PTPRM: variants seen among roughly 807,000 people sequenced by gnomAD.
PTPRM encodes the protein protein tyrosine phosphatase receptor type M.
Under a neutral mutation model 186.7 loss-of-function variants are expected in PTPRM, and 47 were observed. The ratio of observed to expected loss-of-function variants is 0.25; its 90% confidence interval spans 0.20 to 0.32. The LOEUF (loss-of-function observed/expected upper bound fraction) is 0.32, where lower values mean the gene tolerates loss of function less well. PTPRM is among the 10% of genes least tolerant of loss of function. The pLI is 1.00. For missense variants in PTPRM, 1,494 were observed against 1,865.0 expected, an observed-to-expected ratio of 0.80 and a Z score of 3.66; for synonymous variants, 668 against 674.9, an observed-to-expected ratio of 0.99 and a Z score of 0.16.
In PTPRM at chr18:8,371,901, A is replaced by G. The variant is rs996792074; in HGVS notation, c.3171+895A>G. 2.6e-5 allele frequency: 4 copies of G among 152,260 alleles called. No individual in the cohort carries two copies. In the East Asian group the frequency reaches 5.8e-4, roughly 22 times the overall value. The allele number at this position is 152,260 out of a possible 1,614,324, so 9.4% of individuals were successfully genotyped here. On this transcript the variant is annotated intron_variant, in intron 24 of 32. Transcript: ENST00000580170. Reference sequence around the variant, plus strand: ...CTTTTCTATCCAGAGTTGATTCTCCATAACCGAGCCCTGCACAGCTGCCCT... The same window carrying G: ...CTTTTCTATCCAGAGTTGATTCTCCGTAACCGAGCCCTGCACAGCTGCCCT...
intron 2 of PTPRM, among the ~76,000 whole-genome samples, chr18:7,810,017 C>A (rs532741787): frequency 6.6e-5 from 10 of 152,250 alleles, no homozygotes; most frequent in African/African-American, 2.4e-4. Flanking sequence ...TTCTGTGGGA[C>A]TTGGTGAGTT....
chr18:7,725,762 C>T (rs761989603), intron 1 of PTPRM, among the ~76,000 whole-genome samples: 8 of 152,140 alleles, frequency 5.3e-5, no homozygotes, highest in Non-Finnish European at 7.3e-5. Context: ...ATCTCCCCTT[C>T]GCGCTGAGAG....
chr18:7,955,204 A>G lies in PTPRM; in HGVS notation c.922A>G (p.Asn308Asp). The part of the protein sequence containing the change: ...LWIQLNANSI[N>D]GDGPIVAREV... Reference sequence around the variant, plus strand: ...GATACAGCTCAACGCCAACTCCATCAATGGGGATGGGCCCATTGTGGCCCG... The same window carrying G: ...GATACAGCTCAACGCCAACTCCATCGATGGGGATGGGCCCATTGTGGCCCG... The change falls in exon 7 of 33, where the codon AAT becomes GAT. Residue 308 changes from asparagine (N) to aspartate (D), a missense_variant. By Grantham distance (23) the Asn-to-Asp change is conservative (BLOSUM62 1). This residue lies in a region of PTPRM where 91 missense variants were observed against 169.3 expected (regional missense o/e 0.54). Coordinates refer to ENST00000580170, the MANE Select transcript of PTPRM (RefSeq NM_001105244.2). The G allele has an allele frequency of 1.2e-6, 2 of 1,614,186 alleles. No homozygotes were observed. Among genetic ancestry groups the G allele is most frequent in the Non-Finnish European group, 1.7e-6 (2 of 1,180,034 alleles).
intron 13 of PTPRM, among the ~76,000 whole-genome samples, chr18:8,125,994 TATATATATATATATATATATATATATATA>T (rs1459210050): frequency 0.028 from 322 of 11,654 alleles, 52 homozygotes; most frequent in East Asian, 0.27. Flanking sequence ...TATATATATA[TATATATATATATATATATATATATATATA>T]TATATTTTAA....
chr18:8,169,579 C>T (rs1018542256), intron 14 of PTPRM, among the ~76,000 whole-genome samples: 1 of 152,010 alleles, frequency 6.6e-6, no homozygotes, highest in Non-Finnish European at 1.5e-5. Context: ...AGAAAAAAAC[C>T]TTAATTGTCT....
At chr18:8,092,234 A>G (rs968818548) in intron 11 of PTPRM, among the ~76,000 whole-genome samples, 1 of 152,136 alleles carries the variant, frequency 6.6e-6, no homozygotes, top group African/African-American at 2.4e-5. Flanking sequence ...CTTTTTATTG[A>G]TCAACACATC....
intron 7 of PTPRM, among the ~76,000 whole-genome samples, chr18:7,981,111 G>A (rs1406000629): frequency 6.6e-6 from 1 of 152,016 alleles, no homozygotes; most frequent in Non-Finnish European, 1.5e-5. Flanking sequence ...CACCATGAAG[G>A]TAGAATCACA....
chr18:7,795,665 A>G (rs1310797601), intron 2 of PTPRM, among the ~76,000 whole-genome samples: 1 of 152,028 alleles, frequency 6.6e-6, no homozygotes, highest in Non-Finnish European at 1.5e-5. Context: ...TACTTTCTCT[A>G]TTTTGGCAAA....
intron 1 of PTPRM, among the ~76,000 whole-genome samples, chr18:7,763,629 A>G (rs930655524): frequency 2.0e-5 from 3 of 152,218 alleles, no homozygotes; most frequent in Non-Finnish European, 4.4e-5. Context: ...TGGAATGAAT[A>G]TTTTACCGAC....
intron 7 of PTPRM, among the ~76,000 whole-genome samples, chr18:8,056,445 G>A (rs2087947704): frequency 6.6e-6 from 1 of 152,028 alleles, no homozygotes; most frequent in South Asian, 2.1e-4. Context: ...TAGTCAACAT[G>A]GTGAAACTCC....
intron 14 of PTPRM, among the ~76,000 whole-genome samples, chr18:8,186,695 G>C (rs1478550237): frequency 6.6e-6 from 1 of 152,180 alleles, no homozygotes; most frequent in African/African-American, 2.4e-5. Context: ...TCCAGCCACT[G>C]TGTTGCACTC....
intron 7 of PTPRM, among the ~76,000 whole-genome samples, chr18:8,012,514 C>A (rs2084594929): frequency 6.6e-6 from 1 of 152,186 alleles, no homozygotes. Context: ...AGTGCACATA[C>A]ACACACCTAC....
At chr18:7,776,529 T>G (rs549352929) in intron 2 of PTPRM, among the ~76,000 whole-genome samples, 1 of 151,922 alleles carries the variant, frequency 6.6e-6, no homozygotes, top group South Asian at 2.1e-4. Context: ...TTTTTACTAC[T>G]CATTAAACAA....
At position 7,759,985 on chromosome 18, in the gene PTPRM, C is replaced by T. The variant is rs573192253; in HGVS notation, c.74-14164C>T. ...ATAGGAACAGTCACCTAAAATGGGT[C>T]CCAGCCCATGTAGGATTGACAATCC... On this transcript the variant is annotated intron_variant, in intron 1 of 32. Transcript: ENST00000580170. Among the ~76,000 whole-genome samples the T allele has an allele frequency of 1.9e-4, 29 of 152,190 alleles. No individual in the cohort carries two copies. The South Asian group carries it at 2.7e-3, about 14-fold the overall frequency.
At chr18:8,010,131 T>C (rs2084434638) in intron 7 of PTPRM, among the ~76,000 whole-genome samples, 1 of 152,238 alleles carries the variant, frequency 6.6e-6, no homozygotes, top group Non-Finnish European at 1.5e-5. Context: ...TTGTGATTTC[T>C]GTAATGGGAT....
chr18:8,003,699 C>T (rs1052577785), intron 7 of PTPRM, among the ~76,000 whole-genome samples: 1 of 152,148 alleles, frequency 6.6e-6, no homozygotes, highest in Admixed American at 6.5e-5. Flanking sequence ...ATTATGGACA[C>T]GAATGCTTTT....
chr18:7,989,507 A>G (rs1273182981), intron 7 of PTPRM, among the ~76,000 whole-genome samples: 1 of 152,180 alleles, frequency 6.6e-6, no homozygotes, highest in Non-Finnish European at 1.5e-5. Flanking sequence ...TCTTACTTAT[A>G]ATAAGAAGCA....
At chr18:8,131,402 G>T (rs976064054) in intron 13 of PTPRM, among the ~76,000 whole-genome samples, 1 of 152,146 alleles carries the variant, frequency 6.6e-6, no homozygotes, top group Non-Finnish European at 1.5e-5. Flanking sequence ...TGCTGGTGTT[G>T]GTGATGCTGA....
At chr18:8,003,268 G>A (rs1363153453) in intron 7 of PTPRM, among the ~76,000 whole-genome samples, 1 of 152,200 alleles carries the variant, frequency 6.6e-6, no homozygotes, top group African/African-American at 2.4e-5. Flanking sequence ...CCCTGCACAA[G>A]CTCCCTCTTG....
Sources: allele counts gnomAD v4.1 joint callset (sites outside exome capture counted in the v4.1 genomes callset), GRCh38; gene constraint gnomAD v4.1.1; regional missense constraint gnomAD v4.1.1; transcripts MANE v1.5; gene names NCBI Gene and HGNC (gene_info 2026-07-23, HGNC 2026-07-21).